IDI1: variants seen among roughly 807,000 people sequenced by gnomAD.
IDI1 encodes isopentenyl-diphosphate delta isomerase 1.
IDI1 carries 23 observed loss-of-function variants against 32.9 expected under a neutral mutation model. The observed-to-expected ratio is 0.70, with a 90% confidence interval of 0.50 to 0.99. The LOEUF is 0.99. IDI1 is among the 50% of genes least tolerant of loss of function. The probability of loss-of-function intolerance (pLI) is 0.00; values close to 1 mark genes in which losing one functional copy is unlikely to be tolerated. For synonymous variants in IDI1, 133 were observed against 128.2 expected, an observed-to-expected ratio of 1.04 and a Z score of -0.25; for missense variants, 326 against 351.9, an observed-to-expected ratio of 0.93 and a Z score of 0.59.
upstream of IDI1, chr10:1,049,149 A>AG (rs1274344136): frequency 3.7e-6 from 5 of 1,333,602 alleles, no homozygotes; most frequent in Admixed American, 1.0e-4. Context: ...GGCGCCTTTA[A>AG]GGGGGTCAAC....
chr10:1,055,810 GCTTC>G, the IDI1 span, among the ~76,000 whole-genome samples: 2 of 151,750 alleles, frequency 1.3e-5, no homozygotes, highest in South Asian at 2.1e-4. Context: ...TTCATCTTGA[GCTTC>G]CTTATTTTTT....
rs538173815 is a variant in IDI1, at chr10:1,048,141, G to A, written c.140+723C>T. Reference sequence around the variant, plus strand: ...CTCCCAAAGTGCTGGGATTAAAGGCGTGCACCACCGCCCAGCTGTAATGAC... The same window carrying A: ...CTCCCAAAGTGCTGGGATTAAAGGCATGCACCACCGCCCAGCTGTAATGAC... On this transcript the variant is annotated intron_variant, in intron 1 of 4. Coordinates refer to ENST00000381344, the MANE Select transcript of IDI1 (RefSeq NM_004508.4). 135 of 887,606 alleles carry A rather than the reference G, an allele frequency of 1.5e-4. No homozygotes were observed. In the Admixed American group the frequency reaches 2.1e-3, roughly 14 times the overall value. 55.0% of individuals were successfully genotyped at this position (887,606 alleles called of 1,614,324 possible).
At chr10:1,041,717 GT>G (rs201142498) in intron 4 of IDI1, among the ~76,000 whole-genome samples, 6,821 of 146,896 alleles carry the variant, frequency 0.046, 498 homozygotes, top group African/African-American at 0.15. Flanking sequence ...AAGTGTTTGC[GT>G]TTTTTTCCCG....
Position 1,044,003 on chromosome 10 carries a change from C to T in IDI1, c.309G>A (p.Glu103=). 6.2e-7 allele frequency: 1 copy of T among 1,610,318 alleles called. No individual in the cohort carries two copies. Among genetic ancestry groups the T allele is most frequent in the Non-Finnish European group, 8.5e-7 (1 of 1,178,840 alleles). Residue 103 remains glutamate (E), a synonymous_variant, in exon 2 of 5, where the codon GAG becomes GAA. Transcript: ENST00000381344. ...KKNCHLNENI[E]KGLLHRAFSV... is the part of the protein sequence containing the mutation. ...AAGACTGTTTCAAAGCAGCACCTTT[C>T]TCAATGTTCTCGTTCAGGTGACAAT...
At chr10:1,053,935 G>A (rs1833077328), upstream of IDI1, among the ~76,000 whole-genome samples, 2 of 152,138 alleles carry the variant, frequency 1.3e-5, no homozygotes. Flanking sequence ...GGATAGGGAG[G>A]TCTGAGCAGA....
At chr10:1,048,727 C>T in intron 1 of IDI1, 137 bp downstream of exon 1, 1 of 1,432,402 alleles carries the variant, frequency 7.0e-7, no homozygotes, top group South Asian at 1.5e-5. Context: ...ACCAACGCCG[C>T]CACCCCCAGC....
At chr10:1,047,672 G>A (rs1025295692) in intron 1 of IDI1, among the ~76,000 whole-genome samples, 4 of 151,982 alleles carry the variant, frequency 2.6e-5, no homozygotes, top group Admixed American at 2.0e-4. Context: ...CACTGTCTAG[G>A]TCTGCGTCAG....
upstream of IDI1, among the ~76,000 whole-genome samples, chr10:1,050,421 A>G (rs1832974612): frequency 6.6e-6 from 1 of 152,176 alleles, no homozygotes; most frequent in Non-Finnish European, 1.5e-5. Context: ...CGTATAGCAA[A>G]ACCAATTTTA....
intron 1 of IDI1, chr10:1,048,376 G>A (rs533975773): frequency 7.7e-7 from 1 of 1,305,232 alleles, no homozygotes; most frequent in Non-Finnish European, 1.0e-6. Context: ...CGCCTTGAGT[G>A]TGTTGCTGTC....
chr10:1,039,935 A>T lies in IDI1; in HGVS notation c.*1252T>A, dbSNP rs925003296. On this transcript the variant is annotated 3_prime_UTR_variant, in exon 5 of 5. Transcript: ENST00000381344. ...AAATTGCAATTTTTTTTACTTTTCA[A>T]TAAAATACTTGCTAAACAGTCTTGT... The T allele has an allele frequency of 2.4e-4, 36 of 152,272 alleles. 1 individual carries two copies. The highest frequency in any genetic ancestry group is 2.1e-3 in the Admixed American group (32 of 15,288). The allele number at this position is 152,272 out of a possible 1,614,324, so 9.4% of individuals were successfully genotyped here.
chr10:1,042,461 T>C (rs773626485), intron 4 of IDI1, 171 bp downstream of exon 4: 1 of 652,956 alleles, frequency 1.5e-6, no homozygotes, highest in African/African-American at 1.8e-5. Context: ...ACAAGTGATA[T>C]TAAGAAATTA....
chr10:1,045,234 G>C (rs1832765708), intron 1 of IDI1, among the ~76,000 whole-genome samples: 1 of 152,206 alleles, frequency 6.6e-6, no homozygotes. Context: ...TCAGTATTCT[G>C]ACTCACACTT....
intron 1 of IDI1, among the ~76,000 whole-genome samples, chr10:1,046,533 A>C: frequency 2.3e-5 from 3 of 129,432 alleles, no homozygotes; most frequent in African/African-American, 6.0e-5. Flanking sequence ...TCCACTGTCT[A>C]CACCACACCG....
chr10:1,047,826 G>T (rs1202633359), intron 1 of IDI1, among the ~76,000 whole-genome samples: 1 of 152,214 alleles, frequency 6.6e-6, no homozygotes, highest in Admixed American at 6.5e-5. Flanking sequence ...TACATAAATA[G>T]TTGTGCTGTA....
intron 1 of IDI1, 61 bp from the exon 2 acceptor site, chr10:1,044,232 C>T (rs894096450): frequency 4.6e-6 from 6 of 1,305,236 alleles, no homozygotes; most frequent in Middle Eastern, 3.7e-4. Flanking sequence ...GTCATATAAA[C>T]ACAGGTTAAT....
At chr10:1,048,819 C>A in intron 1 of IDI1, 45 bp downstream of exon 1, 2 of 1,590,366 alleles carry the variant, frequency 1.3e-6, no homozygotes, top group Non-Finnish European at 8.5e-7. Context: ...CTCCCCGATG[C>A]CGCCCTGCCC....
At chr10:1,053,950 G>A (rs1203682010), upstream of IDI1, among the ~76,000 whole-genome samples, 1 of 152,168 alleles carries the variant, frequency 6.6e-6, no homozygotes, top group Non-Finnish European at 1.5e-5. Flanking sequence ...AGCAGAAGGA[G>A]AGAGATAGGG....
Position 1,049,109 on chromosome 10 carries a change from C to T in IDI1, c.-106G>A. On this transcript the variant is annotated 5_prime_UTR_variant, in exon 1 of 5. It adds an upstream start codon to the 5' untranslated region. Coordinates refer to ENST00000381344, the MANE Select transcript of IDI1 (RefSeq NM_004508.4). The stretch of plus-strand genomic sequence containing the variant: ...GTGACAACGGCAGACGCGCGAAGCA[C>T]CGGGAACCTGAGCCGTGACCGCGGG... 1 of 1,403,528 alleles carries T rather than the reference C, an allele frequency of 7.1e-7. No homozygotes were observed. The allele number at this position is 1,403,528 out of a possible 1,614,324, so 86.9% of individuals were successfully genotyped here.
intron 1 of IDI1, chr10:1,048,586 C>G: frequency 4.4e-6 from 6 of 1,366,034 alleles, no homozygotes; most frequent in Non-Finnish European, 5.7e-6. Context: ...GGTGACTGTG[C>G]GCAGACGACG....
Sources: gnomAD v4.1 joint callset for allele counts (sites outside exome capture counted in the v4.1 genomes callset) on GRCh38, gnomAD v4.1.1 for gene constraint, MANE v1.5 for transcripts, NCBI Gene and HGNC (gene_info 2026-07-23, HGNC 2026-07-21) for gene names.